Variants in GDI2 observed in about 807,000 individuals in gnomAD.
The protein encoded by GDI2 is GDP dissociation inhibitor 2.
In GDI2, 22 loss-of-function variants were observed where a neutral mutation model predicts 54.2. That is an observed-to-expected ratio of 0.41 (90% confidence interval 0.29 to 0.58). The LOEUF (loss-of-function observed/expected upper bound fraction) is 0.58. GDI2 is among the 20% of genes least tolerant of loss of function. The pLI is 0.35. For missense variants in GDI2, 422 were observed against 546.0 expected, an observed-to-expected ratio of 0.77 and a Z score of 2.26; for synonymous variants, 177 against 182.1, an observed-to-expected ratio of 0.97 and a Z score of 0.23.
chr10:5,768,538 A>G lies in GDI2; in HGVS notation c.820-154T>C. The G allele has an allele frequency of 1.8e-5, 11 of 600,940 alleles. No homozygotes were observed. The South Asian group carries it at 2.3e-4, about 13-fold the overall frequency. The allele number at this position is 600,940 out of a possible 1,614,324, so 37.2% of individuals were successfully genotyped here. ...CAAGGGATTGAATTCTGGAACAACC[A>G]AAACAATCTTAAAAGAAGAACAGCA... On this transcript the variant is annotated intron_variant, in intron 7 of 10. Coordinates refer to ENST00000380191, the MANE Select transcript of GDI2 (RefSeq NM_001494.4). The surrounding 1 kb of genome is among the most constrained non-coding windows in gnomAD (Gnocchi z 4.4).
At chr10:5,791,750 G>GAAAAAAAAAAAAAAAAAAAAAAAAA (rs35475458) in intron 4 of GDI2, among the ~76,000 whole-genome samples, 1 of 137,268 alleles carries the variant, frequency 7.3e-6, no homozygotes. Context: ...CAAAAAAAAA[G>GAAAAAAAAAAAAAAAAAAAAAAAAA]AAAAAAAAAA....
Position 5,768,567 on chromosome 10 carries a change from C to G in GDI2, c.820-183G>C, listed in dbSNP as rs925429188. ...CAATCTTAAAAGAAGAACAGCAAAGCTGGAGGACTCACTCACTAAAAAGCT... is the reference window on the plus strand; with the variant it reads ...CAATCTTAAAAGAAGAACAGCAAAGGTGGAGGACTCACTCACTAAAAAGCT... On this transcript the variant is annotated intron_variant, in intron 7 of 10. Transcript: ENST00000380191. The surrounding 1 kb of genome is among the most constrained non-coding windows in gnomAD (Gnocchi z 4.4). 1.7e-6 allele frequency: 1 copy of G among 579,418 alleles called. No individual in the cohort carries two copies. Among genetic ancestry groups the G allele is most frequent in the African/African-American group, 1.9e-5 (1 of 53,398 alleles). 35.9% of individuals were successfully genotyped at this position (579,418 alleles called of 1,614,324 possible).
chr10:5,780,965 A>G (rs2131693487), intron 6 of GDI2, among the ~76,000 whole-genome samples: 1 of 152,324 alleles, frequency 6.6e-6, no homozygotes, highest in East Asian at 1.9e-4. Flanking sequence ...AGTTGGCGAA[A>G]GTGTTATCAC....
chr10:5,811,657 TA>T (rs34264151), intron 1 of GDI2, among the ~76,000 whole-genome samples: 93,177 of 135,160 alleles, frequency 0.69, 31,487 homozygotes, highest in African/African-American at 0.77. Context: ...ATTAGGCACT[TA>T]AAAAAAAAAA....
intron 2 of GDI2, among the ~76,000 whole-genome samples, chr10:5,797,929 A>C (rs545981773): frequency 6.6e-6 from 1 of 152,318 alleles, no homozygotes; most frequent in African/African-American, 2.4e-5. Flanking sequence ...TAAACCTTAG[A>C]TTCTTCCTAA....
At chr10:5,794,172 G>GAAAAAAAAA (rs1256206663) in intron 4 of GDI2, among the ~76,000 whole-genome samples, 2 of 27,968 alleles carry the variant, frequency 7.2e-5, no homozygotes, top group African/African-American at 1.3e-4. Flanking sequence ...GTCTTTAAAA[G>GAAAAAAAAA]AAAAAAAAAA....
chr10:5,811,853 C>T (rs1271058743), intron 1 of GDI2: 1 of 708,726 alleles, frequency 1.4e-6, no homozygotes. Flanking sequence ...CAGAAAAACA[C>T]GATTCTAATT....
intron 7 of GDI2, among the ~76,000 whole-genome samples, chr10:5,772,477 C>T (rs906059426): frequency 2.0e-5 from 3 of 152,164 alleles, no homozygotes; most frequent in Non-Finnish European, 2.9e-5. Context: ...GTCTAGAAGG[C>T]CAGGCACAGT....
chr10:5,804,914 A>G (rs545956890), intron 1 of GDI2, among the ~76,000 whole-genome samples: 1 of 150,934 alleles, frequency 6.6e-6, no homozygotes, highest in East Asian at 2.0e-4. Context: ...GCTCACCACA[A>G]CCTCTGCCTC....
chr10:5,785,381 T>C, intron 5 of GDI2, 108 bp from the exon 6 acceptor site: 1 of 837,260 alleles, frequency 1.2e-6, no homozygotes, highest in Middle Eastern at 2.5e-4. Context: ...CTTTTTTGTT[T>C]TTTTGTTTTT....
chr10:5,773,815 A>AT (rs750793380), intron 7 of GDI2, 27 bp downstream of exon 7: 19 of 956,596 alleles, frequency 2.0e-5, no homozygotes, highest in East Asian at 2.4e-5. Flanking sequence ...GAACATAGTA[A>AT]TTTTTTTCAT....
chr10:5,796,911 T>G (rs1291325206), intron 2 of GDI2, 49 bp from the exon 3 acceptor site: 2 of 878,454 alleles, frequency 2.3e-6, no homozygotes, highest in African/African-American at 1.7e-5. Context: ...ATTTAATTTT[T>G]TATTACAATA....
At chr10:5,767,039 T>C (rs778984675) in intron 8 of GDI2, among the ~76,000 whole-genome samples, 4 of 152,234 alleles carry the variant, frequency 2.6e-5, no homozygotes, top group Non-Finnish European at 5.9e-5. Context: ...ATTTACTTAT[T>C]ACAGTAATGT....
intron 4 of GDI2, among the ~76,000 whole-genome samples, chr10:5,788,306 G>A (rs1401654864): frequency 1.3e-5 from 2 of 151,986 alleles, no homozygotes; most frequent in Non-Finnish European, 2.9e-5. Flanking sequence ...GTCCCTACTA[G>A]GTAGATAATT....
At chr10:5,791,958 G>A (rs763815735) in intron 4 of GDI2, among the ~76,000 whole-genome samples, 3 of 151,990 alleles carry the variant, frequency 2.0e-5, no homozygotes, top group Non-Finnish European at 4.4e-5. Context: ...TACTGTCTCT[G>A]GTCTGGCTGC....
At chr10:5,771,093 C>T (rs149253564) in intron 7 of GDI2, among the ~76,000 whole-genome samples, 137 of 150,758 alleles carry the variant, frequency 9.1e-4, no homozygotes, top group African/African-American at 3.1e-3. Context: ...TGTAATTTTC[C>T]CTTGAATATA....
At chr10:5,771,629 A>G (rs970399798) in intron 7 of GDI2, among the ~76,000 whole-genome samples, 1 of 146,240 alleles carries the variant, frequency 6.8e-6, no homozygotes, top group Non-Finnish European at 1.5e-5. Flanking sequence ...TACATAGACT[A>G]AAATCCTTAT....
At chr10:5,767,513 C>T (rs1038583934) in intron 8 of GDI2, among the ~76,000 whole-genome samples, 9 of 151,946 alleles carry the variant, frequency 5.9e-5, no homozygotes, top group Non-Finnish European at 8.8e-5. Context: ...TTTGTAGAGA[C>T]GAGCTCTCAC....
At chr10:5,791,914 C>T (rs1053824901) in intron 4 of GDI2, among the ~76,000 whole-genome samples, 9 of 152,010 alleles carry the variant, frequency 5.9e-5, no homozygotes, top group African/African-American at 2.2e-4. Flanking sequence ...AAAAACAGTC[C>T]TGTTTACACT....
Sources: allele counts gnomAD v4.1 joint callset (sites outside exome capture counted in the v4.1 genomes callset), GRCh38; gene constraint gnomAD v4.1.1; non-coding constraint Gnocchi (gnomAD v3.1); transcripts MANE v1.5; gene names NCBI Gene and HGNC (gene_info 2026-07-23, HGNC 2026-07-21).